Variants in GABRB1 observed in about 807,000 individuals in gnomAD.
GABRB1 encodes gamma-aminobutyric acid receptor subunit beta-1.
GABRB1 carries 17 observed loss-of-function variants against 51.6 expected under a neutral mutation model. The ratio of observed to expected loss-of-function variants is 0.33; its 90% confidence interval spans 0.23 to 0.49. The LOEUF (loss-of-function observed/expected upper bound fraction) is 0.49, where lower values mean the gene tolerates loss of function less well. GABRB1 is among the 20% of genes least tolerant of loss of function. GABRB1 has a pLI of 0.99. For missense variants in GABRB1, 410 were observed against 600.6 expected, an observed-to-expected ratio of 0.68 and a Z score of 3.32; for synonymous variants, 247 against 218.9, an observed-to-expected ratio of 1.13 and a Z score of -1.14.
At chr4:47,186,316 G>A (rs951007579) in intron 4 of GABRB1, among the ~76,000 whole-genome samples, 1 of 151,724 alleles carries the variant, frequency 6.6e-6, no homozygotes, top group African/African-American at 2.4e-5. Flanking sequence ...AGTATATACA[G>A]AGAACACTAT....
chr4:47,067,206 C>T (rs1441191924), intron 3 of GABRB1, among the ~76,000 whole-genome samples: 2 of 152,172 alleles, frequency 1.3e-5, no homozygotes, highest in African/African-American at 4.8e-5. Flanking sequence ...GACATGTTGT[C>T]ATCTTGGCTT....
intron 1 of GABRB1, among the ~76,000 whole-genome samples, chr4:47,004,023 C>T (rs1021845379): frequency 2.6e-5 from 4 of 152,150 alleles, no homozygotes; most frequent in African/African-American, 9.6e-5. Flanking sequence ...TGGAGTATTG[C>T]TCTGTCCCCA....
intron 4 of GABRB1, among the ~76,000 whole-genome samples, chr4:47,175,718 T>C (rs1718666807): frequency 6.6e-6 from 1 of 152,206 alleles, no homozygotes; most frequent in Admixed American, 6.6e-5. Context: ...TGCAGTATTA[T>C]GGATAATACT....
chr4:47,404,748 A>G (rs772096858), intron 7 of GABRB1, among the ~76,000 whole-genome samples: 1 of 152,322 alleles, frequency 6.6e-6, no homozygotes. Flanking sequence ...AATAGTATCT[A>G]TCACACATAT....
At chr4:47,319,214 T>G (rs757776739) in intron 4 of GABRB1, among the ~76,000 whole-genome samples, 3 of 152,146 alleles carry the variant, frequency 2.0e-5, no homozygotes, top group Non-Finnish European at 4.4e-5. Context: ...TAGTACTTTA[T>G]GTACACAGCA....
intron 1 of GABRB1, among the ~76,000 whole-genome samples, chr4:47,014,633 A>G (rs76405388): frequency 7.5e-4 from 114 of 152,170 alleles, no homozygotes; most frequent in Non-Finnish European, 1.2e-3. Context: ...TCGAAATAGC[A>G]TCAGATCCCA....
At chr4:47,268,173 C>A (rs1005361926) in intron 4 of GABRB1, among the ~76,000 whole-genome samples, 1 of 152,030 alleles carries the variant, frequency 6.6e-6, no homozygotes, top group African/African-American at 2.4e-5. Flanking sequence ...AAAATATGAC[C>A]TGATACTTCA....
chr4:47,373,481 C>G (rs1042812376), intron 5 of GABRB1, among the ~76,000 whole-genome samples: 1 of 152,162 alleles, frequency 6.6e-6, no homozygotes. Flanking sequence ...CTCAAGGACT[C>G]AGAAGAGCAA....
At chr4:47,297,340 A>C (rs1174459273) in intron 4 of GABRB1, among the ~76,000 whole-genome samples, 1 of 129,716 alleles carries the variant, frequency 7.7e-6, no homozygotes, top group Non-Finnish European at 1.6e-5. Context: ...TGAAAGGATC[A>C]ACAAAATTGA....
chr4:47,423,447 C>A (rs959148676), intron 8 of GABRB1, among the ~76,000 whole-genome samples: 2 of 152,188 alleles, frequency 1.3e-5, no homozygotes, highest in East Asian at 3.8e-4. Flanking sequence ...GCTTCTTGGT[C>A]CCCGTAGGTG....
chr4:47,401,354 T>C lies in GABRB1; in HGVS notation c.545-1964T>C, dbSNP rs185809874. 4.9e-3 allele frequency among the ~76,000 whole-genome samples: 750 copies of C among 152,338 alleles called. 7 individuals carry two copies. Among genetic ancestry groups the C allele is most frequent in the African/African-American group, 0.017 (687 of 41,568 alleles). On this transcript the variant is annotated intron_variant, in intron 5 of 8. Coordinates refer to ENST00000295454, the MANE Select transcript of GABRB1 (RefSeq NM_000812.4). ...ACAGTATGGCGATTTCTCAGCCCAC[T>C]TTTTTAACTTTCCCACATCCCCTTA...
chr4:47,311,484 G>T (rs970647860), intron 4 of GABRB1, among the ~76,000 whole-genome samples: 1 of 91,020 alleles, frequency 1.1e-5, no homozygotes, highest in Non-Finnish European at 2.1e-5. Flanking sequence ...AATCACAAGG[G>T]TTCTTATGAA....
chr4:47,042,253 A>T (rs1725878022), intron 3 of GABRB1, among the ~76,000 whole-genome samples: 1 of 151,078 alleles, frequency 6.6e-6, no homozygotes, highest in Non-Finnish European at 1.5e-5. Flanking sequence ...TCTACCTTAT[A>T]CTTTAATCTG....
chr4:47,019,595 T>G (rs149121710), intron 1 of GABRB1, among the ~76,000 whole-genome samples: 1 of 132,350 alleles, frequency 7.6e-6, no homozygotes, highest in Non-Finnish European at 1.6e-5. Flanking sequence ...CCTCCCTCCC[T>G]CCCTTCCTCC....
intron 3 of GABRB1, among the ~76,000 whole-genome samples, chr4:47,059,688 C>A (rs1438105222): frequency 1.3e-5 from 2 of 152,254 alleles, no homozygotes; most frequent in East Asian, 3.9e-4. Context: ...AGGTGTTCTG[C>A]CTCTGGTGGT....
At chr4:47,101,244 G>C (rs556604555) in intron 3 of GABRB1, among the ~76,000 whole-genome samples, 1 of 152,108 alleles carries the variant, frequency 6.6e-6, no homozygotes. Flanking sequence ...GAATGAATAA[G>C]TACATGAATC....
chr4:47,234,835 C>T (rs1253112305), intron 4 of GABRB1, among the ~76,000 whole-genome samples: 1 of 152,186 alleles, frequency 6.6e-6, no homozygotes, highest in Non-Finnish European at 1.5e-5. Flanking sequence ...ATCTCTTCTT[C>T]TCAATTCACC....
intron 5 of GABRB1, among the ~76,000 whole-genome samples, chr4:47,376,333 C>T (rs1028713667): frequency 3.3e-5 from 5 of 152,158 alleles, no homozygotes; most frequent in African/African-American, 1.2e-4. Flanking sequence ...AAAAAGGGCC[C>T]AGAGGATCTG....
intron 3 of GABRB1, among the ~76,000 whole-genome samples, chr4:47,077,854 TTA>T (rs1727625688): frequency 7.1e-6 from 1 of 141,268 alleles, no homozygotes; most frequent in South Asian, 2.1e-4. Context: ...ATATATATTT[TTA>T]TATATTTTAT....
Sources: allele counts gnomAD v4.1 joint callset (sites outside exome capture counted in the v4.1 genomes callset), GRCh38; gene constraint gnomAD v4.1.1; transcripts MANE v1.5; gene names NCBI Gene and HGNC (gene_info 2026-07-23, HGNC 2026-07-21).